COL11A1: variants seen among roughly 807,000 people sequenced by gnomAD.
COL11A1 encodes collagen type XI alpha 1 chain.
COL11A1 carries 74 observed loss-of-function variants against 265.2 expected under a neutral mutation model. The ratio of observed to expected loss-of-function variants is 0.28; its 90% confidence interval spans 0.23 to 0.34. The LOEUF is 0.34. COL11A1 is among the 10% of genes least tolerant of loss of function. COL11A1 has a pLI of 1.00. For missense variants in COL11A1, 2,165 were observed against 2,263.6 expected (o/e 0.96, Z 0.88); for synonymous variants, 816 against 727.6 (o/e 1.12, Z -1.96).
intron 28 of COL11A1, among the ~76,000 whole-genome samples, chr1:102,990,243 T>C (rs1664003130): frequency 6.6e-6 from 1 of 152,092 alleles, no homozygotes; most frequent in Non-Finnish European, 1.5e-5. Context: ...TCATTTTAAC[T>C]TTGTATTACA....
chr1:102,898,041 AC>A, intron 57 of COL11A1, 83 bp downstream of exon 57: 1 of 835,612 alleles, frequency 1.2e-6, no homozygotes, highest in East Asian at 3.0e-5. Context: ...CTATTTATAA[AC>A]TAAAATGTCA....
intron 2 of COL11A1, among the ~76,000 whole-genome samples, chr1:103,079,199 TA>T (rs1672212039): frequency 6.6e-6 from 1 of 152,136 alleles, no homozygotes; most frequent in African/African-American, 2.4e-5. Context: ...ATTTAAGTGC[TA>T]ATTTTGGCCT....
In COL11A1 at chr1:102,928,964, T is replaced by G. The variant is rs551709134; in HGVS notation, c.3600+5485A>C. Among the ~76,000 whole-genome samples the G allele has an allele frequency of 7.5e-3, 602 of 79,834 alleles. 3 individuals are homozygous for G. Among genetic ancestry groups the G allele is most frequent in the Middle Eastern group, 0.025 (4 of 158 alleles). 52.4% of individuals were successfully genotyped at this position (79,834 alleles called of 152,430 possible). The stretch of plus-strand genomic sequence containing the variant: ...GTTGTTTTTTTCTTGTAAATTTGTT[T>G]GAGTTCATTGTAGATTCTGGATATT... On this transcript the variant is annotated intron_variant, in intron 46 of 66. Transcript: ENST00000370096.
chr1:103,006,692 T>A (rs1348508972), intron 15 of COL11A1, among the ~76,000 whole-genome samples: 1 of 151,648 alleles, frequency 6.6e-6, no homozygotes, highest in Non-Finnish European at 1.5e-5. Flanking sequence ...CGCCCGCCAC[T>A]ATGCCCGGCT....
intron 46 of COL11A1, among the ~76,000 whole-genome samples, chr1:102,928,262 C>G (rs1200988727): frequency 6.6e-6 from 1 of 151,598 alleles, no homozygotes; most frequent in Admixed American, 6.6e-5. Context: ...CCCCCCACCC[C>G]ACCACAGTCC....
chr1:103,036,675 CTG>C (rs1668397932), intron 4 of COL11A1, among the ~76,000 whole-genome samples: 1 of 151,930 alleles, frequency 6.6e-6, no homozygotes, highest in Non-Finnish European at 1.5e-5. Flanking sequence ...TTAAGACACT[CTG>C]TAAACAAGCT....
Position 103,064,700 on chromosome 1 carries a change from GAAAA to G in COL11A1, c.651+9914_651+9917del, listed in dbSNP as rs59331849. 4.4e-3 allele frequency among the ~76,000 whole-genome samples: 548 copies of G among 123,398 alleles called. 4 individuals carry two copies. The highest frequency in any genetic ancestry group is 0.016 in the African/African-American group (517 of 33,016). The allele number at this position is 123,398 out of a possible 152,430, so 81.0% of individuals were successfully genotyped here. A position where few individuals can be genotyped will look rare whatever the true frequency, so the allele number is the denominator to read the frequency against. ...GCCAGACTCCATCTCAAAAAAAAAA[GAAAA>G]AAAAAAAAAAAGAGAATACATAGAA... On this transcript the variant is annotated intron_variant, in intron 4 of 66. Coordinates refer to ENST00000370096, the MANE Select transcript of COL11A1 (RefSeq NM_001854.4).
chr1:103,001,922 T>TA lies in COL11A1; in HGVS notation c.2142+2dup, dbSNP rs765751485. The stretch of plus-strand genomic sequence containing the variant: ...GCTTTACGAGAACAACAGAGTAACT[T>TA]ACTTTTTCACCAGGAGGACCAATTG... On this transcript the variant is annotated splice_region_variant and intron_variant, in intron 24 of 66. Transcript: ENST00000370096. 1 of 1,613,300 alleles carries TA rather than the reference T, an allele frequency of 6.2e-7. No homozygotes were observed. Among genetic ancestry groups the TA allele is most frequent in the Non-Finnish European group, 8.5e-7 (1 of 1,179,312 alleles).
rs1339710279 is a variant in COL11A1, at chr1:103,022,727, A to C, written c.1245+15T>G. 1 of 1,613,468 alleles carries C rather than the reference A, an allele frequency of 6.2e-7. No homozygotes were observed. The highest frequency in any genetic ancestry group is 1.3e-5 in the African/African-American group (1 of 75,042). Reference sequence around the variant, plus strand: ...AATAAGACATACAATGACACAGTGCATAGTATCAACTTACGCTTGTTTCTG... The same window carrying C: ...AATAAGACATACAATGACACAGTGCCTAGTATCAACTTACGCTTGTTTCTG... On this transcript the variant is annotated intron_variant, in intron 8 of 66. Transcript: ENST00000370096.
chr1:103,027,654 G>T (rs932254436), intron 5 of COL11A1, among the ~76,000 whole-genome samples: 1 of 151,612 alleles, frequency 6.6e-6, no homozygotes, highest in Non-Finnish European at 1.5e-5. Context: ...AAGAACTGTT[G>T]ACCACAAATG....
In COL11A1 at chr1:103,102,234, G is replaced by GA. The variant is rs148761472; in HGVS notation, c.106+5838dup. ...CTAAAACAGAAAGTATTTTAAAATG[G>GA]AAAAAAAATACCTTTAGGTTTTGAA... On this transcript the variant is annotated intron_variant, in intron 1 of 66. Coordinates refer to ENST00000370096, the MANE Select transcript of COL11A1 (RefSeq NM_001854.4). Among the ~76,000 whole-genome samples the GA allele has an allele frequency of 2.5e-3, 382 of 151,494 alleles. 3 individuals carry two copies. Among genetic ancestry groups the GA allele is most frequent in the African/African-American group, 8.6e-3 (357 of 41,376 alleles).
intron 1 of COL11A1, among the ~76,000 whole-genome samples, chr1:103,084,548 C>T (rs1672701334): frequency 6.7e-6 from 1 of 149,094 alleles, no homozygotes; most frequent in African/African-American, 2.5e-5. Context: ...CAGGCTATAA[C>T]ACGGATCAAC....
chr1:103,107,895 CTCTT>C (rs1374345512), intron 1 of COL11A1, among the ~76,000 whole-genome samples, 174 bp downstream of exon 1: 3 of 151,874 alleles, frequency 2.0e-5, no homozygotes, highest in East Asian at 3.9e-4. Flanking sequence ...CTACATTCAT[CTCTT>C]TCTCCAGTTT....
chr1:103,020,977 C>A (rs118132305), intron 9 of COL11A1, among the ~76,000 whole-genome samples: 5,292 of 143,612 alleles, frequency 0.037, 120 homozygotes, highest in Middle Eastern at 0.1. Flanking sequence ...CGCTGCATAT[C>A]TACAACTATC....
Position 102,979,066 on chromosome 1 carries a change from AC to A in COL11A1, c.2648del (p.Gly883ValfsTer99). 1 of 1,614,172 alleles carries A rather than the reference AC, an allele frequency of 6.2e-7. No individual in the cohort carries two copies. The highest frequency in any genetic ancestry group is 8.5e-7 in the Non-Finnish European group (1 of 1,180,024). On this transcript the variant is annotated frameshift_variant, in exon 33 of 67. Coordinates refer to ENST00000370096, the MANE Select transcript of COL11A1 (RefSeq NM_001854.4). LOFTEE classifies it high-confidence loss of function. ...TTTAAATCAAGGCACCTACCGTTGG[AC>A]CACGCTGACCCCGAGGGCCTGGTTT... The part of the protein sequence containing the change: ...AGKPGPRGQR[G>X]PTGPRGSRGA...
chr1:102,913,512 A>T (rs1654944394), intron 53 of COL11A1, 125 bp downstream of exon 53: 3 of 877,162 alleles, frequency 3.4e-6, no homozygotes, highest in Admixed American at 2.3e-5. Flanking sequence ...TTTTTTTGAT[A>T]ATTCTTTCAA....
In COL11A1 at chr1:103,029,201, T is replaced by G. The variant is rs145287860; in HGVS notation, c.780+1915A>C. Reference sequence around the variant, plus strand: ...ATATCGGTTGACTTATAAAATAAATTGACATATTTATTAATCCAAATTAGA... The same window carrying G: ...ATATCGGTTGACTTATAAAATAAATGGACATATTTATTAATCCAAATTAGA... On this transcript the variant is annotated intron_variant, in intron 5 of 66. Coordinates refer to ENST00000370096, the MANE Select transcript of COL11A1 (RefSeq NM_001854.4). 2.4e-3 allele frequency among the ~76,000 whole-genome samples: 359 copies of G among 152,178 alleles called. 2 individuals are homozygous for G. Among genetic ancestry groups the G allele is most frequent in the African/African-American group, 8.2e-3 (340 of 41,568 alleles).
At position 103,022,956 on chromosome 1, in the gene COL11A1, G is replaced by C. The variant is rs544289862; in HGVS notation, c.1031C>G (p.Thr344Arg). ...VEEIFTEEYL[T>R]GEDYDSQRKN... ...CCTCTGGGAATCATAATCCTCTCCC[G>C]TTAGATATTCTTCAGTAAATATTTC... Residue 344 changes from threonine to arginine, a missense_variant, in exon 8 of 67, where the codon ACG becomes AGG. Physicochemically the swap from Thr to Arg is moderately conservative, Grantham distance 71. Coordinates refer to ENST00000370096, the MANE Select transcript of COL11A1 (RefSeq NM_001854.4). 4.3e-6 allele frequency: 7 copies of C among 1,612,732 alleles called. No individual in the cohort carries two copies. The highest frequency in any genetic ancestry group is 5.9e-6 in the Non-Finnish European group (7 of 1,179,356).
At chr1:103,048,395 G>T (rs995662247) in intron 4 of COL11A1, among the ~76,000 whole-genome samples, 28 of 152,126 alleles carry the variant, frequency 1.8e-4, no homozygotes, top group African/African-American at 6.5e-4. Context: ...TTGCATAGAG[G>T]TGTTTATAGT....
Sources: allele counts gnomAD v4.1 joint callset (sites outside exome capture counted in the v4.1 genomes callset), GRCh38; gene constraint gnomAD v4.1.1; transcripts MANE v1.5; gene names NCBI Gene and HGNC (gene_info 2026-07-23, HGNC 2026-07-21).